Variants in KCNB2 observed in about 807,000 individuals in gnomAD.
KCNB2 encodes potassium voltage-gated channel subfamily B member 2.
Under a neutral mutation model 61.5 loss-of-function variants are expected in KCNB2, and 15 were observed. That is an observed-to-expected ratio of 0.24 (90% CI 0.16 to 0.38). KCNB2 has a LOEUF of 0.38. Ranked by LOEUF, KCNB2 falls within the 10% of genes least tolerant of loss-of-function variation. The pLI, the probability that KCNB2 is intolerant of heterozygous loss-of-function variation, is 1.00. For missense variants in KCNB2, 828 were observed against 1,125.2 expected, an observed-to-expected ratio of 0.74 and a Z score of 3.78; for synonymous variants, 457 against 446.0, an observed-to-expected ratio of 1.02 and a Z score of -0.31.
At chr8:72,842,977 G>T (rs1413575906) in intron 2 of KCNB2, among the ~76,000 whole-genome samples, 1 of 152,044 alleles carries the variant, frequency 6.6e-6, no homozygotes, top group Non-Finnish European at 1.5e-5. Context: ...CCTTCTCCTA[G>T]CCTTTGAATT....
chr8:72,646,092 G>A (rs1806125176), intron 2 of KCNB2, among the ~76,000 whole-genome samples: 1 of 151,986 alleles, frequency 6.6e-6, no homozygotes, highest in African/African-American at 2.4e-5. Flanking sequence ...TGAATCAACT[G>A]TGTTTTTACT....
At chr8:72,932,014 A>AAAAC (rs71566833) in intron 2 of KCNB2, among the ~76,000 whole-genome samples, 52,430 of 144,272 alleles carry the variant, frequency 0.36, 9,728 homozygotes, top group Non-Finnish European at 0.42. Flanking sequence ...CACTGTCTCA[A>AAAAC]AAACAAACAA....
At chr8:72,550,898 G>A (rs1346805803) in intron 1 of KCNB2, among the ~76,000 whole-genome samples, 1 of 152,190 alleles carries the variant, frequency 6.6e-6, no homozygotes, top group African/African-American at 2.4e-5. Context: ...GATTCAGACA[G>A]GCAGGGCTGA....
At chr8:72,875,272 C>T (rs901206046) in intron 2 of KCNB2, 1 of 152,286 alleles carries the variant, frequency 6.6e-6, no homozygotes, top group Non-Finnish European at 1.5e-5. Flanking sequence ...CCTTCTCACC[C>T]TCCTCTACTG....
intron 2 of KCNB2, among the ~76,000 whole-genome samples, chr8:72,612,894 CTA>C (rs1427390569): frequency 6.6e-6 from 1 of 152,004 alleles, no homozygotes; most frequent in Non-Finnish European, 1.5e-5. Context: ...GTTAGATTTT[CTA>C]TGTTTTAACA....
At chr8:72,542,107 TG>T (rs1321245430) in intron 1 of KCNB2, among the ~76,000 whole-genome samples, 5 of 152,130 alleles carry the variant, frequency 3.3e-5, no homozygotes, top group African/African-American at 1.2e-4. Flanking sequence ...AAACATAAAT[TG>T]AGATTTTCAT....
intron 2 of KCNB2, among the ~76,000 whole-genome samples, chr8:72,714,455 G>A (rs188603663): frequency 1.2e-4 from 18 of 152,270 alleles, no homozygotes; most frequent in East Asian, 9.6e-4. Flanking sequence ...GACTACCAGC[G>A]GATCTCTCAG....
intron 2 of KCNB2, among the ~76,000 whole-genome samples, chr8:72,568,625 C>G (rs1490230492): frequency 1.3e-5 from 2 of 152,132 alleles, no homozygotes; most frequent in Non-Finnish European, 2.9e-5. Context: ...AGGAGAAAGC[C>G]CTAGCTCAGA....
At chr8:72,817,864 C>T (rs765641352) in intron 2 of KCNB2, among the ~76,000 whole-genome samples, 1 of 152,088 alleles carries the variant, frequency 6.6e-6, no homozygotes, top group Non-Finnish European at 1.5e-5. Flanking sequence ...CATTCTCAGT[C>T]GTTCTAAAAT....
chr8:72,545,917 G>T (rs943979343), intron 1 of KCNB2, among the ~76,000 whole-genome samples: 4 of 152,090 alleles, frequency 2.6e-5, no homozygotes, highest in African/African-American at 9.7e-5. Context: ...TTAGTGGTCT[G>T]GATAGATCAA....
chr8:72,570,943 A>G (rs960664729), intron 2 of KCNB2, among the ~76,000 whole-genome samples: 18 of 152,234 alleles, frequency 1.2e-4, no homozygotes, highest in African/African-American at 3.4e-4. Context: ...TTCTTTCCAG[A>G]ATTTAAAAAT....
chr8:72,780,179 A>G (rs1173180241), intron 2 of KCNB2, among the ~76,000 whole-genome samples: 3 of 152,196 alleles, frequency 2.0e-5, no homozygotes, highest in African/African-American at 4.8e-5. Flanking sequence ...CTTTTACTTT[A>G]TGTATAACTT....
intron 2 of KCNB2, among the ~76,000 whole-genome samples, chr8:72,791,373 G>C (rs868004857): frequency 1.1e-4 from 17 of 151,988 alleles, no homozygotes; most frequent in African/African-American, 3.9e-4. Flanking sequence ...AATATAGCAA[G>C]ACCCTATCTC....
intron 2 of KCNB2, among the ~76,000 whole-genome samples, chr8:72,689,151 T>C (rs1034266431): frequency 2.6e-5 from 4 of 152,198 alleles, no homozygotes; most frequent in African/African-American, 9.6e-5. Flanking sequence ...GAGATAGTAC[T>C]TTAAAAGTTA....
intron 2 of KCNB2, among the ~76,000 whole-genome samples, chr8:72,911,273 A>G (rs1169602157): frequency 2.0e-5 from 3 of 152,222 alleles, no homozygotes; most frequent in African/African-American, 7.2e-5. Flanking sequence ...ATCAGAGAGA[A>G]CACACAGATT....
At chr8:72,682,333 A>G (rs568740140) in intron 2 of KCNB2, among the ~76,000 whole-genome samples, 1 of 152,240 alleles carries the variant, frequency 6.6e-6, no homozygotes, top group Non-Finnish European at 1.5e-5. Flanking sequence ...TTTCTAAATT[A>G]TATATATTAT....
At chr8:72,882,736 G>GAAAAAGA (rs544346661) in intron 2 of KCNB2, among the ~76,000 whole-genome samples, 8 of 149,022 alleles carry the variant, frequency 5.4e-5, no homozygotes, top group South Asian at 2.1e-4. Context: ...AAAAGAAAAA[G>GAAAAAGA]AAAAAAAAAA....
intron 2 of KCNB2, among the ~76,000 whole-genome samples, chr8:72,742,869 G>T (rs555978483): frequency 6.6e-6 from 1 of 152,130 alleles, no homozygotes; most frequent in Non-Finnish European, 1.5e-5. Context: ...ACTTGGCTCT[G>T]TATTTTTAAA....
intron 2 of KCNB2, among the ~76,000 whole-genome samples, chr8:72,600,926 A>C (rs915115986): frequency 7.2e-5 from 11 of 152,238 alleles, no homozygotes; most frequent in African/African-American, 2.4e-4. Context: ...TAGTCAGTAC[A>C]ATAAACCCCC....
Sources: allele counts gnomAD v4.1 joint callset (sites outside exome capture counted in the v4.1 genomes callset), GRCh38; gene constraint gnomAD v4.1.1; transcripts MANE v1.5; gene names NCBI Gene and HGNC (gene_info 2026-07-23, HGNC 2026-07-21).